Variants in ADAM12 observed in about 807,000 individuals in gnomAD.
The protein encoded by ADAM12 is disintegrin and metalloproteinase domain-containing protein 12.
A neutral mutation model predicts 106.4 loss-of-function variants in ADAM12; 70 were observed. The observed-to-expected ratio is 0.66, with a 90% CI of 0.54 to 0.80. The LOEUF (loss-of-function observed/expected upper bound fraction) is 0.80. Ranked by LOEUF, ADAM12 falls within the 30% of genes least tolerant of loss-of-function variation. ADAM12 has a pLI of 0.00. For missense variants in ADAM12, 1,010 were observed against 1,171.9 expected (o/e 0.86, Z 2.02); for synonymous variants, 420 against 433.5 (o/e 0.97, Z 0.39).
intron 3 of ADAM12, among the ~76,000 whole-genome samples, chr10:126,216,706 A>G (rs1407839071): frequency 6.6e-6 from 1 of 152,244 alleles, no homozygotes; most frequent in Admixed American, 6.5e-5. Context: ...TGTTGAATGT[A>G]TATCAAAAGC....
At chr10:126,166,294 T>C (rs1957022032) in intron 3 of ADAM12, among the ~76,000 whole-genome samples, 1 of 152,164 alleles carries the variant, frequency 6.6e-6, no homozygotes, top group Admixed American at 6.5e-5. Context: ...TGGAGGTCTC[T>C]ATAAGAACAG....
intron 14 of ADAM12, among the ~76,000 whole-genome samples, chr10:126,050,127 A>T (rs552345438): frequency 1.3e-5 from 2 of 152,332 alleles, no homozygotes; most frequent in Admixed American, 1.3e-4. Flanking sequence ...AGCAATGAAG[A>T]TATCTTCTAT....
At chr10:126,343,108 T>A (rs1000240321) in intron 1 of ADAM12, among the ~76,000 whole-genome samples, 1 of 152,182 alleles carries the variant, frequency 6.6e-6, no homozygotes, top group African/African-American at 2.4e-5. Flanking sequence ...ATGTGCCATG[T>A]TGGTGTGCTG....
chr10:126,260,059 T>C (rs568810741), intron 3 of ADAM12, among the ~76,000 whole-genome samples: 137 of 152,288 alleles, frequency 9.0e-4, no homozygotes, highest in African/African-American at 3.2e-3. Context: ...CCACCTCAAG[T>C]GACACCTGGG....
chr10:126,246,521 A>T (rs1399211600), intron 3 of ADAM12, among the ~76,000 whole-genome samples: 1 of 152,230 alleles, frequency 6.6e-6, no homozygotes, highest in Non-Finnish European at 1.5e-5. Context: ...CAGCACATTG[A>T]AAAGCTTATC....
chr10:126,107,044 A>G lies in ADAM12; in HGVS notation c.741+1549T>C, dbSNP rs143926518. Reference sequence around the variant, plus strand: ...CTGCATGCATACATTTGCATACAATATGAGCATGCATGTACACAAACACAC... The same window carrying G: ...CTGCATGCATACATTTGCATACAATGTGAGCATGCATGTACACAAACACAC... On this transcript the variant is annotated intron_variant, in intron 8 of 22. Transcript: ENST00000448723. 2.3e-4 allele frequency among the ~76,000 whole-genome samples: 35 copies of G among 152,314 alleles called. No homozygotes were observed. The East Asian group carries it at 5.0e-3, about 22-fold the overall frequency.
chr10:126,189,900 T>C (rs1253094760), intron 3 of ADAM12, among the ~76,000 whole-genome samples: 1 of 152,204 alleles, frequency 6.6e-6, no homozygotes, highest in Non-Finnish European at 1.5e-5. Flanking sequence ...AGGCCGTGTG[T>C]GCAGCAGCTC....
chr10:126,028,136 G>A (rs1953910534), intron 21 of ADAM12, among the ~76,000 whole-genome samples: 1 of 151,914 alleles, frequency 6.6e-6, no homozygotes, highest in African/African-American at 2.4e-5. Flanking sequence ...GGGACATGAA[G>A]GACCTCTTCA....
intron 5 of ADAM12, among the ~76,000 whole-genome samples, chr10:126,123,666 G>A (rs978336469): frequency 6.6e-6 from 1 of 152,200 alleles, no homozygotes; most frequent in Admixed American, 6.5e-5. Flanking sequence ...TGTCCAAGGT[G>A]CGCAGGTGGC....
intron 2 of ADAM12, among the ~76,000 whole-genome samples, chr10:126,319,793 A>G (rs936352914): frequency 7.2e-5 from 11 of 152,196 alleles, no homozygotes; most frequent in African/African-American, 2.4e-4. Context: ...GAACCATACT[A>G]TCTTTGCAAT....
At chr10:126,305,882 C>T (rs1960823551) in intron 2 of ADAM12, among the ~76,000 whole-genome samples, 1 of 151,920 alleles carries the variant, frequency 6.6e-6, no homozygotes. Flanking sequence ...TACAGCTGGT[C>T]AGCTTCATTT....
At chr10:126,201,424 C>A (rs984870884) in intron 3 of ADAM12, among the ~76,000 whole-genome samples, 14 of 151,968 alleles carry the variant, frequency 9.2e-5, no homozygotes, top group Admixed American at 7.2e-4. Flanking sequence ...GTTGTTGCCA[C>A]GAGCCAAAAA....
intron 3 of ADAM12, among the ~76,000 whole-genome samples, chr10:126,238,294 A>C (rs184729485): frequency 1.2e-4 from 19 of 152,226 alleles, no homozygotes; most frequent in Admixed American, 1.2e-3. Context: ...AGCCTGGCCA[A>C]CATGGGGAAA....
chr10:126,187,422 T>C (rs954641328), intron 3 of ADAM12, among the ~76,000 whole-genome samples: 3 of 152,192 alleles, frequency 2.0e-5, no homozygotes, highest in African/African-American at 7.2e-5. Context: ...CCTTCTAGCT[T>C]CTTCTTAAAG....
rs1026604457 is a variant in ADAM12 at position 126,271,160 on chromosome 10, C to CT, written c.260+7754dup. On this transcript the variant is annotated intron_variant, in intron 3 of 22. Transcript: ENST00000448723. ...GGACCATGCCTACCATGACCCACAT[C>CT]TTTGTGTCTCTGGCCACTGCTCAAA... Among the ~76,000 whole-genome samples, 6 of 152,328 alleles carry CT rather than the reference C, an allele frequency of 3.9e-5. No homozygotes were observed. In the East Asian group the frequency reaches 1.2e-3, roughly 29 times the overall value.
intron 3 of ADAM12, among the ~76,000 whole-genome samples, chr10:126,188,287 C>T (rs1849350137): frequency 6.6e-6 from 1 of 152,020 alleles, no homozygotes; most frequent in South Asian, 2.1e-4. Flanking sequence ...TTTCTGTGGA[C>T]CTTTGCTAGA....
intron 3 of ADAM12, among the ~76,000 whole-genome samples, chr10:126,156,705 G>C (rs1270507345): frequency 1.3e-5 from 2 of 152,212 alleles, no homozygotes; most frequent in Admixed American, 6.5e-5. Context: ...CAAGGGAAAG[G>C]CTTTGCGTAG....
intron 2 of ADAM12, among the ~76,000 whole-genome samples, chr10:126,303,876 T>C (rs564963081): frequency 6.6e-6 from 1 of 152,342 alleles, no homozygotes; most frequent in East Asian, 1.9e-4. Flanking sequence ...ACTGAAGATA[T>C]TTTTAAATTC....
chr10:126,038,511 A>AAAAT (rs1954098998), intron 19 of ADAM12, among the ~76,000 whole-genome samples, 162 bp from the exon 20 acceptor site: 1 of 152,248 alleles, frequency 6.6e-6, no homozygotes, highest in African/African-American at 2.4e-5. Flanking sequence ...AGGAGATTAA[A>AAAAT]AAATAAATAC....
Sources: gnomAD v4.1 joint callset for allele counts (sites outside exome capture counted in the v4.1 genomes callset) on GRCh38, gnomAD v4.1.1 for gene constraint, MANE v1.5 for transcripts, NCBI Gene and HGNC (gene_info 2026-07-23, HGNC 2026-07-21) for gene names.